PDE2A: variants seen among roughly 807,000 people sequenced by gnomAD.
The protein encoded by PDE2A is phosphodiesterase 2A, also known as cGMP-dependent 3',5'-cyclic phosphodiesterase.
PDE2A carries 53 observed loss-of-function variants against 133.6 expected under a neutral mutation model. The observed-to-expected ratio is 0.40, with a 90% CI of 0.32 to 0.50. PDE2A has a LOEUF of 0.50. Ranked by LOEUF, PDE2A falls within the 20% of genes least tolerant of loss-of-function variation. The pLI is 0.73. For missense variants in PDE2A, 796 were observed against 1,232.4 expected (o/e 0.65, Z 5.30); for synonymous variants, 491 against 490.2 (o/e 1.00, Z -0.02).
intron 6 of PDE2A, among the ~76,000 whole-genome samples, chr11:72,593,505 C>T (rs1856344357): frequency 6.6e-6 from 1 of 152,180 alleles, no homozygotes; most frequent in Non-Finnish European, 1.5e-5. Context: ...AGCACAGCCC[C>T]CAGGTCCCCA....
intron 1 of PDE2A, among the ~76,000 whole-genome samples, chr11:72,665,176 T>C (rs1049552915): frequency 1.3e-5 from 2 of 151,918 alleles, no homozygotes; most frequent in Non-Finnish European, 2.9e-5. Context: ...GCTGCTTCTC[T>C]CCTTTTCTAC....
chr11:72,662,340 ACC>A (rs1855090335), intron 1 of PDE2A, among the ~76,000 whole-genome samples: 1 of 152,148 alleles, frequency 6.6e-6, no homozygotes, highest in Non-Finnish European at 1.5e-5. Flanking sequence ...AACTCCCAGC[ACC>A]ATAAGGGGGC....
rs182448488 is a variant in PDE2A at position 72,663,149 on chromosome 11, T to G, written c.71+10988A>C. Among the ~76,000 whole-genome samples, 19 of 152,260 alleles carry G rather than the reference T, an allele frequency of 1.2e-4. No individual in the cohort carries two copies. The East Asian group carries it at 3.5e-3, about 28-fold the overall frequency. On this transcript the variant is annotated intron_variant, in intron 1 of 30. Coordinates refer to ENST00000334456, the MANE Select transcript of PDE2A (RefSeq NM_002599.5). The stretch of plus-strand genomic sequence containing the variant: ...AAAATTGATTGCCTGCGTCTGGGTG[T>G]GCCTGTCTCTAATGAAGCGGAGAGC...
chr11:72,662,136 TGGA>T (rs1303942631), intron 1 of PDE2A, among the ~76,000 whole-genome samples: 2 of 152,210 alleles, frequency 1.3e-5, no homozygotes, highest in Non-Finnish European at 2.9e-5. Context: ...AGCTGGGGTC[TGGA>T]GGAGAAGCTG....
intron 1 of PDE2A, among the ~76,000 whole-genome samples, chr11:72,661,789 C>T (rs966405375): frequency 6.6e-6 from 1 of 152,296 alleles, no homozygotes; most frequent in African/African-American, 2.4e-5. Flanking sequence ...TGCTTCCCTG[C>T]GATGCGCCAC....
In PDE2A at chr11:72,662,918, G is replaced by A. The variant is rs75289591; in HGVS notation, c.71+11219C>T. Among the ~76,000 whole-genome samples, 50 of 152,050 alleles carry A rather than the reference G, an allele frequency of 3.3e-4. No individual in the cohort carries two copies. The South Asian group carries it at 3.7e-3, about 11-fold the overall frequency. The stretch of plus-strand genomic sequence containing the variant: ...GGCCTTCACTCCCTTCCTCTCCACC[G>A]CCAGGCCCTTCCTCCAGCCCAGGAG... On this transcript the variant is annotated intron_variant, in intron 1 of 30. Transcript: ENST00000334456.
intron 19 of PDE2A, 95 bp downstream of exon 19, chr11:72,584,106 T>C (rs2135283638): frequency 1.4e-6 from 1 of 704,488 alleles, no homozygotes; most frequent in African/African-American, 1.7e-5. Flanking sequence ...AAGGGATCAA[T>C]CCACAAGGAG....
chr11:72,587,018 T>C (rs183267642), intron 13 of PDE2A, among the ~76,000 whole-genome samples: 60 of 152,230 alleles, frequency 3.9e-4, no homozygotes, highest in Admixed American at 5.9e-4. Flanking sequence ...ACCCAGAACA[T>C]CTCTCAGCTT....
Position 72,577,214 on chromosome 11 carries a change from C to G in PDE2A, c.*170G>C, listed in dbSNP as rs1226997680. On this transcript the variant is annotated 3_prime_UTR_variant, in exon 31 of 31. Coordinates refer to ENST00000334456, the MANE Select transcript of PDE2A (RefSeq NM_002599.5). The stretch of plus-strand genomic sequence containing the variant: ...CTCCGTGAGGTTGGAAGTCTTGCTT[C>G]CATTATACAGACGAGAAAGCTGAGG... 1.7e-6 allele frequency: 1 copy of G among 599,466 alleles called. No homozygotes were observed. Among genetic ancestry groups the G allele is most frequent in the Non-Finnish European group, 3.0e-6 (1 of 338,490 alleles). 37.1% of individuals were successfully genotyped at this position (599,466 alleles called of 1,614,324 possible).
intron 2 of PDE2A, among the ~76,000 whole-genome samples, chr11:72,639,427 G>T (rs988058099): frequency 6.6e-6 from 1 of 152,212 alleles, no homozygotes; most frequent in Non-Finnish European, 1.5e-5. Context: ...CATGAGCCAG[G>T]AAGGGCGCTG....
At chr11:72,638,816 G>C (rs1286884345) in intron 2 of PDE2A, among the ~76,000 whole-genome samples, 6 of 152,202 alleles carry the variant, frequency 3.9e-5, no homozygotes, top group Middle Eastern at 3.2e-3. Context: ...AAAAGGTACC[G>C]TGAAAGCTTG....
chr11:72,670,256 G>A (rs546288295), intron 1 of PDE2A, among the ~76,000 whole-genome samples: 16 of 152,274 alleles, frequency 1.1e-4, no homozygotes, highest in African/African-American at 3.9e-4. Context: ...ACACAGGTAG[G>A]AAAGACTCGG....
intron 2 of PDE2A, among the ~76,000 whole-genome samples, chr11:72,626,530 T>C (rs1195957336): frequency 1.3e-5 from 2 of 152,206 alleles, no homozygotes; most frequent in Non-Finnish European, 2.9e-5. Flanking sequence ...TTGAGAATGT[T>C]AGATAAGGGC....
At chr11:72,636,175 G>A in intron 2 of PDE2A, 1 of 1,102,818 alleles carries the variant, frequency 9.1e-7, no homozygotes, top group Non-Finnish European at 1.1e-6. Context: ...TCTCAAGGGA[G>A]CTGAACAGGA....
chr11:72,615,886 C>G (rs961423279), intron 2 of PDE2A, among the ~76,000 whole-genome samples: 122 of 152,268 alleles, frequency 8.0e-4, no homozygotes, highest in African/African-American at 2.8e-3. Context: ...GAGGGGGCTC[C>G]TAGTCCCCAA....
intron 4 of PDE2A, among the ~76,000 whole-genome samples, chr11:72,598,075 A>G (rs140498441): frequency 4.3e-4 from 65 of 152,346 alleles, no homozygotes; most frequent in Middle Eastern, 3.4e-3. Flanking sequence ...GGAGGTAATC[A>G]TCATAACTAA....
chr11:72,618,010 C>T (rs1857562092), intron 2 of PDE2A, among the ~76,000 whole-genome samples: 1 of 152,192 alleles, frequency 6.6e-6, no homozygotes, highest in African/African-American at 2.4e-5. Flanking sequence ...CTCTCAGCTC[C>T]TCTCTCCCAG....
chr11:72,669,976 G>T (rs939097689), intron 1 of PDE2A, among the ~76,000 whole-genome samples: 2 of 152,170 alleles, frequency 1.3e-5, no homozygotes, highest in East Asian at 1.9e-4. Context: ...CTTCACGGAA[G>T]AAAGTGCTTC....
chr11:72,621,384 C>T (rs569208325), intron 2 of PDE2A, among the ~76,000 whole-genome samples: 3 of 152,322 alleles, frequency 2.0e-5, no homozygotes, highest in South Asian at 2.1e-4. Context: ...ACATGCAGCC[C>T]GGTCACCTAT....
Sources: allele counts gnomAD v4.1 joint callset (sites outside exome capture counted in the v4.1 genomes callset), GRCh38; gene constraint gnomAD v4.1.1; transcripts MANE v1.5; gene names NCBI Gene and HGNC (gene_info 2026-07-23, HGNC 2026-07-21).